Variants in HMCN1 observed in about 807,000 individuals in gnomAD.
HMCN1 encodes the protein hemicentin 1.
Under a neutral mutation model 625.9 loss-of-function variants are expected in HMCN1, and 321 were observed. The observed-to-expected ratio is 0.51, with a 90% CI of 0.47 to 0.56. HMCN1 has a LOEUF of 0.56. HMCN1 is among the 20% of genes least tolerant of loss of function. The pLI, the probability that HMCN1 is intolerant of heterozygous loss-of-function variation, is 0.00. For synonymous variants in HMCN1, 2,425 were observed against 2,417.6 expected, an observed-to-expected ratio of 1.00 and a Z score of -0.09; for missense variants, 6,588 against 6,887.3, an observed-to-expected ratio of 0.96 and a Z score of 1.54.
chr1:185,819,248 A>G (rs1319636907), intron 1 of HMCN1, among the ~76,000 whole-genome samples: 2 of 152,066 alleles, frequency 1.3e-5, no homozygotes, highest in African/African-American at 4.8e-5. Flanking sequence ...AAAAAAAAAA[A>G]AAAGGACCTG....
intron 1 of HMCN1, among the ~76,000 whole-genome samples, chr1:185,831,823 A>T (rs745687739): frequency 3.9e-5 from 6 of 152,240 alleles, no homozygotes; most frequent in African/African-American, 1.4e-4. Flanking sequence ...GGAAAAAAAT[A>T]AAACCTTAAA....
rs754436613 is a variant in HMCN1 at position 186,000,244 on chromosome 1, A to C, written c.4069+5A>C. 1.2e-6 allele frequency: 2 copies of C among 1,608,006 alleles called. No individual in the cohort carries two copies. The highest frequency in any genetic ancestry group is 1.7e-6 in the Non-Finnish European group (2 of 1,175,054). The stretch of plus-strand genomic sequence containing the variant: ...AATATAACCTCAAAGTCCATGGTAA[A>C]TGTAGCTAAAATCATGTAACTGACT... On this transcript the variant is annotated splice_donor_5th_base_variant and intron_variant, in intron 26 of 106. Coordinates refer to ENST00000271588, the MANE Select transcript of HMCN1 (RefSeq NM_031935.3).
intron 97 of HMCN1, 31 bp from the exon 98 acceptor site, chr1:186,165,080 C>A (rs1432485559): frequency 6.3e-7 from 1 of 1,598,888 alleles, no homozygotes; most frequent in Admixed American, 1.7e-5. Context: ...TTCCAATAAG[C>A]CAGTTAACTT....
intron 53 of HMCN1, 61 bp from the exon 54 acceptor site, chr1:186,076,367 C>T: frequency 2.7e-6 from 4 of 1,469,794 alleles, no homozygotes; most frequent in Non-Finnish European, 3.8e-6. Flanking sequence ...GGTGAAAACA[C>T]AGCCAAGATC....
chr1:185,860,215 A>C (rs1662779874), intron 2 of HMCN1, among the ~76,000 whole-genome samples: 1 of 152,172 alleles, frequency 6.6e-6, no homozygotes, highest in Admixed American at 6.5e-5. Flanking sequence ...GAAAGGTAAT[A>C]ATTTAAATAT....
intron 13 of HMCN1, 33 bp downstream of exon 13, chr1:185,963,928 TAGG>T: frequency 6.3e-7 from 1 of 1,579,822 alleles, no homozygotes. Flanking sequence ...GCAATTAAAA[TAGG>T]ATGAATATCA....
rs1329480374 is a variant in HMCN1, at chr1:186,087,894, C to G, written c.9364-38C>G. The G allele has an allele frequency of 1.9e-6, 3 of 1,550,206 alleles. No individual in the cohort carries two copies. The African/African-American group carries it at 4.1e-5, about 21-fold the overall frequency. ...GAACAGTATGATTGGTCATCTATAA[C>G]TTAATGGAGCACATACAATAGTATC... On this transcript the variant is annotated intron_variant, in intron 60 of 106. Transcript: ENST00000271588.
At position 185,925,032 on chromosome 1, in the gene HMCN1, TG is replaced by T. The variant is rs754208309; in HGVS notation, c.1286-14del. ...TGCTTAAGTTTTTTGTTTTTGTTTT[TG>T]TTTTTTTTCCTAGATGCTCCCAAAG... On this transcript the variant is annotated splice_polypyrimidine_tract_variant and intron_variant, in intron 8 of 106. Transcript: ENST00000271588. 5 of 1,588,962 alleles carry T rather than the reference TG, an allele frequency of 3.1e-6. No homozygotes were observed. The highest frequency in any genetic ancestry group is 4.3e-6 in the Non-Finnish European group (5 of 1,166,084).
chr1:185,955,377 A>AG lies in HMCN1; in HGVS notation c.1829-7140dup, dbSNP rs143472800. On this transcript the variant is annotated intron_variant, in intron 11 of 106. Coordinates refer to ENST00000271588, the MANE Select transcript of HMCN1 (RefSeq NM_031935.3). ...TGTATCCTCATAAAGCAATGCATAG[A>AG]GAAAAAAAAGAAATAAAAATTTTTC... is the stretch of plus-strand genomic sequence containing the variant. Among the ~76,000 whole-genome samples the AG allele has an allele frequency of 2.1e-4, 32 of 152,338 alleles. No individual in the cohort carries two copies. The East Asian group carries it at 5.8e-3, about 28-fold the overall frequency.
chr1:185,952,619 C>T (rs920509907), intron 11 of HMCN1, among the ~76,000 whole-genome samples: 1 of 151,696 alleles, frequency 6.6e-6, no homozygotes. Flanking sequence ...CATTTTCCGG[C>T]TATTTGGAAC....
chr1:185,970,874 G>A (rs969584320), intron 15 of HMCN1, among the ~76,000 whole-genome samples: 8 of 151,920 alleles, frequency 5.3e-5, no homozygotes, highest in African/African-American at 1.9e-4. Context: ...TGGCCAGGCT[G>A]GTCTTGAACT....
intron 58 of HMCN1, 47 bp from the exon 59 acceptor site, chr1:186,087,170 G>A: frequency 8.3e-7 from 1 of 1,200,670 alleles, no homozygotes; most frequent in Non-Finnish European, 1.2e-6. Flanking sequence ...ATAGTTGTTA[G>A]AACAACCTGT....
Position 186,145,403 on chromosome 1 carries a change from C to T in HMCN1, c.14267C>T (p.Thr4756Ile), listed in dbSNP as rs1650247388. The change falls in exon 92 of 107, where the codon ACC (threonine) becomes ATC (isoleucine). Residue 4756 changes from threonine to isoleucine, a missense_variant and splice_region_variant. Thr to Ile is a moderately conservative substitution (Grantham distance 89). Coordinates refer to ENST00000271588, the MANE Select transcript of HMCN1 (RefSeq NM_031935.3). ...SDFCNSDPCP[T>I]HGNWSPWSGW... ...CATCTCAGATTATTCTGTCTTGTAGCCCATGGTAACTGGAGTCCTTGGAGT... is the reference window on the plus strand; with the variant it reads ...CATCTCAGATTATTCTGTCTTGTAGTCCATGGTAACTGGAGTCCTTGGAGT... The T allele has an allele frequency of 1.3e-6, 2 of 1,570,292 alleles. No homozygotes were observed. The highest frequency in any genetic ancestry group is 1.9e-5 in the Admixed American group (1 of 53,532).
intron 1 of HMCN1, among the ~76,000 whole-genome samples, chr1:185,841,168 T>C (rs1349123264): frequency 6.6e-6 from 1 of 152,138 alleles, no homozygotes; most frequent in African/African-American, 2.4e-5. Context: ...ATCCAACCCA[T>C]CTGATAAATC....
intron 40 of HMCN1, among the ~76,000 whole-genome samples, chr1:186,044,041 A>T (rs1475889717): frequency 6.6e-6 from 1 of 152,128 alleles, no homozygotes; most frequent in Non-Finnish European, 1.5e-5. Context: ...AGATCATGCC[A>T]TTGCACTCCA....
At chr1:185,961,325 A>G (rs1248348833) in intron 11 of HMCN1, among the ~76,000 whole-genome samples, 1 of 152,186 alleles carries the variant, frequency 6.6e-6, no homozygotes, top group Non-Finnish European at 1.5e-5. Flanking sequence ...ATATATTCAC[A>G]TCTAACTGGC....
intron 105 of HMCN1, among the ~76,000 whole-genome samples, chr1:186,184,149 T>A (rs148763618): frequency 0.012 from 1,831 of 152,276 alleles, 39 homozygotes; most frequent in African/African-American, 0.037. Flanking sequence ...AATGACGTGG[T>A]CAAATCAGAA....
chr1:186,181,286 C>T (rs141736629), intron 104 of HMCN1, among the ~76,000 whole-genome samples: 1 of 152,092 alleles, frequency 6.6e-6, no homozygotes, highest in African/African-American at 2.4e-5. Context: ...TTAGTTAAAG[C>T]AAAACACCAC....
chr1:185,878,664 A>C (rs904033741), intron 4 of HMCN1, among the ~76,000 whole-genome samples: 1 of 152,168 alleles, frequency 6.6e-6, no homozygotes, highest in Non-Finnish European at 1.5e-5. Context: ...TTTGGGGTCT[A>C]TATTCAACAC....
Sources: allele counts gnomAD v4.1 joint callset (sites outside exome capture counted in the v4.1 genomes callset), GRCh38; gene constraint gnomAD v4.1.1; transcripts MANE v1.5; gene names NCBI Gene and HGNC (gene_info 2026-07-23, HGNC 2026-07-21).